Variants in DRC1 observed in about 807,000 individuals in gnomAD.
DRC1 encodes the protein dynein regulatory complex protein 1.
DRC1 carries 74 observed loss-of-function variants against 98.7 expected under a neutral mutation model. The ratio of observed to expected loss-of-function variants is 0.75; its 90% CI spans 0.62 to 0.91. DRC1 has a LOEUF of 0.91. DRC1 is among the 40% of genes least tolerant of loss of function. DRC1 has a pLI of 0.00. For synonymous variants in DRC1, 336 were observed against 334.1 expected (o/e 1.01, Z -0.06); for missense variants, 875 against 886.0 (o/e 0.99, Z 0.16).
intron 3 of DRC1, 91 bp downstream of exon 3, chr2:26,421,491 C>T (rs750845149): frequency 1.0e-5 from 10 of 962,832 alleles, no homozygotes; most frequent in Non-Finnish European, 1.5e-5. Flanking sequence ...GTGACTTTGT[C>T]CACCTTAGAC....
chr2:26,455,205 C>T lies in DRC1; in HGVS notation c.2138C>T (p.Ala713Val), dbSNP rs147500371. 4.0e-5 allele frequency: 64 copies of T among 1,613,750 alleles called. No homozygotes were observed. The highest frequency in any genetic ancestry group is 1.7e-4 in the Middle Eastern group (1 of 5,978). Residue 713 changes from alanine to valine, a missense_variant, in exon 16 of 17, where the codon GCG becomes GTG. Transcript: ENST00000288710. ...GAGCAGCAGAACACAGAGCTGCAGG[C>T]GCTACTGCAGCAGTATCTGAACTCC... is the stretch of plus-strand genomic sequence containing the variant. ...SLEQQNTELQ[A>V]LLQQYLNSKI...
chr2:26,428,715 G>C (rs943821946), intron 4 of DRC1, among the ~76,000 whole-genome samples: 2 of 151,894 alleles, frequency 1.3e-5, no homozygotes, highest in Admixed American at 6.6e-5. Context: ...GGAAAATGGC[G>C]TGAACCCGGG....
At chr2:26,402,502 G>A (rs1438769844) in intron 1 of DRC1, among the ~76,000 whole-genome samples, 1 of 152,166 alleles carries the variant, frequency 6.6e-6, no homozygotes, top group East Asian at 1.9e-4. Context: ...TGTGGCCCAA[G>A]TAGCCTGGCT....
At chr2:26,412,042 A>G (rs1343398546) in intron 1 of DRC1, among the ~76,000 whole-genome samples, 2 of 152,198 alleles carry the variant, frequency 1.3e-5, no homozygotes, top group East Asian at 1.9e-4. Context: ...TTACTTGGTA[A>G]GAAAACAAAG....
intron 4 of DRC1, among the ~76,000 whole-genome samples, chr2:26,426,783 T>C (rs932814974): frequency 6.6e-6 from 1 of 152,092 alleles, no homozygotes. Context: ...TAGGATGGTT[T>C]TCCTATTTCC....
At chr2:26,409,525 T>C (rs1388428517) in intron 1 of DRC1, among the ~76,000 whole-genome samples, 1 of 152,160 alleles carries the variant, frequency 6.6e-6, no homozygotes, top group Admixed American at 6.6e-5. Context: ...ATTGGTAGTA[T>C]TAGTATCCTT....
rs1417421963 is a variant in DRC1 at position 26,454,498 on chromosome 2, CCTTT to C, written c.1920-146_1920-143del. The stretch of plus-strand genomic sequence containing the variant: ...AGGAACGTTGACAATAAGCATGCGT[CCTTT>C]CTGAGAACCTGCCACCGTCTAATAA... On this transcript the variant is annotated intron_variant, in intron 14 of 16. Coordinates refer to ENST00000288710, the MANE Select transcript of DRC1 (RefSeq NM_145038.5). The surrounding 1 kb of genome is among the most constrained non-coding windows in gnomAD (Gnocchi z 5.2). The C allele has an allele frequency of 1.7e-6, 2 of 1,160,176 alleles. No homozygotes were observed. Among genetic ancestry groups the C allele is most frequent in the Admixed American group, 4.6e-5 (2 of 43,224 alleles). 71.9% of individuals were successfully genotyped at this position (1,160,176 alleles called of 1,614,324 possible).
chr2:26,440,737 C>G (rs1306958656), intron 8 of DRC1, among the ~76,000 whole-genome samples: 2 of 152,144 alleles, frequency 1.3e-5, no homozygotes, highest in African/African-American at 4.8e-5. Context: ...TCTTTCCTAC[C>G]TCTGTAACCA....
rs1325393261 is a variant in DRC1 at position 26,448,791 on chromosome 2, G to A, written c.1497G>A (p.Leu499=). ...EKTTKRILML[L]CDESGFLIES... ...CTACCAAGAGGATCCTGATGCTCCT[G>A]TGTGACGAGTCGGTGAGGCCAGGCG... Residue 499 remains leucine (L), a synonymous_variant, in exon 11 of 17, where the codon CTG becomes CTA. Transcript: ENST00000288710. 1 of 1,614,200 alleles carries A rather than the reference G, an allele frequency of 6.2e-7. No individual in the cohort carries two copies. The highest frequency in any genetic ancestry group is 8.5e-7 in the Non-Finnish European group (1 of 1,180,040).
At chr2:26,422,090 C>T (rs941263031) in intron 3 of DRC1, among the ~76,000 whole-genome samples, 4 of 152,178 alleles carry the variant, frequency 2.6e-5, no homozygotes, top group South Asian at 2.1e-4. Context: ...CAGAAAACTT[C>T]CCAGGCAAGG....
chr2:26,424,386 A>G lies in DRC1; in HGVS notation c.472A>G (p.Asn158Asp). The G allele has an allele frequency of 6.2e-7, 1 of 1,614,024 alleles. No individual in the cohort carries two copies. Among genetic ancestry groups the G allele is most frequent in the Non-Finnish European group, 8.5e-7 (1 of 1,180,016 alleles). Residue 158 changes from asparagine to aspartate, a missense_variant, in exon 4 of 17, where the codon AAT becomes GAT. By Grantham distance (23) the Asn-to-Asp change is conservative. Transcript: ENST00000288710. ...RIPQELWEML[N>D]TQQLHCAGLL... Reference sequence around the variant, plus strand: ...TCCCCAAGAGCTGTGGGAAATGCTCAATACCCAACAGCTGCACTGTGCTGG... The same window carrying G: ...TCCCCAAGAGCTGTGGGAAATGCTCGATACCCAACAGCTGCACTGTGCTGG...
Position 26,444,215 on chromosome 2 carries a change from C to T in DRC1, c.1029-7C>T. 1.1e-5 allele frequency: 18 copies of T among 1,613,828 alleles called. No homozygotes were observed. Among genetic ancestry groups the T allele is most frequent in the Non-Finnish European group, 1.4e-5 (17 of 1,179,960 alleles). ...GCTGCAGACTAACCTTTTTCTCCTT[C>T]AACCAGCCTGCATGATATACTTAAC... On this transcript the variant is annotated splice_polypyrimidine_tract_variant and splice_region_variant and intron_variant, in intron 8 of 16. Coordinates refer to ENST00000288710, the MANE Select transcript of DRC1 (RefSeq NM_145038.5).
intron 4 of DRC1, among the ~76,000 whole-genome samples, chr2:26,426,234 C>T (rs1260494655): frequency 6.6e-6 from 1 of 152,260 alleles, no homozygotes; most frequent in East Asian, 1.9e-4. Flanking sequence ...ATCATTTTGA[C>T]CCTTGTCAAA....
chr2:26,407,031 A>G (rs1468309359), intron 1 of DRC1, among the ~76,000 whole-genome samples: 1 of 151,526 alleles, frequency 6.6e-6, no homozygotes, highest in African/African-American at 2.4e-5. Context: ...TGTTGCCCAG[A>G]CTGGTCTTGA....
intron 13 of DRC1, among the ~76,000 whole-genome samples, chr2:26,451,817 A>T (rs1266868826): frequency 6.6e-6 from 1 of 152,252 alleles, no homozygotes; most frequent in Non-Finnish European, 1.5e-5. Context: ...TGCAAAAATC[A>T]TGATAAGCAA....
At chr2:26,418,869 C>CATT in intron 2 of DRC1, among the ~76,000 whole-genome samples, 1 of 136,996 alleles carries the variant, frequency 7.3e-6, no homozygotes, top group Admixed American at 8.1e-5. Flanking sequence ...ATATATACAA[C>CATT]ATTATATATT....
intron 7 of DRC1, among the ~76,000 whole-genome samples, chr2:26,437,231 G>A (rs1663596793): frequency 6.6e-6 from 1 of 152,168 alleles, no homozygotes; most frequent in Non-Finnish European, 1.5e-5. Flanking sequence ...CCCTAGAAGG[G>A]GACAGGGCCC....
In DRC1 at chr2:26,430,958, CT is replaced by C. The variant is rs5830013; in HGVS notation, c.765+106del. ...AATTTGCTAGCTAGCCTTTTTCTAT[CT>C]TTTTTTTTTTTTTTTTTTTGAGATG... On this transcript the variant is annotated intron_variant, in intron 6 of 16. Coordinates refer to ENST00000288710, the MANE Select transcript of DRC1 (RefSeq NM_145038.5). The C allele has an allele frequency of 0.053, 18,215 of 341,702 alleles. 5 individuals are homozygous for C. The highest frequency in any genetic ancestry group is 0.13 in the East Asian group (1,995 of 15,272). 21.2% of individuals were successfully genotyped at this position (341,702 alleles called of 1,614,324 possible). A position where few individuals can be genotyped will look rare whatever the true frequency, so the allele number is the denominator to read the frequency against.
intron 7 of DRC1, among the ~76,000 whole-genome samples, chr2:26,439,268 G>A (rs565439636): frequency 6.6e-6 from 1 of 151,980 alleles, no homozygotes; most frequent in Non-Finnish European, 1.5e-5. Context: ...AGCTAGACAC[G>A]CCGTCTTCCA....
Sources: allele counts gnomAD v4.1 joint callset (sites outside exome capture counted in the v4.1 genomes callset), GRCh38; gene constraint gnomAD v4.1.1; non-coding constraint Gnocchi (gnomAD v3.1); transcripts MANE v1.5; gene names NCBI Gene and HGNC (gene_info 2026-07-23, HGNC 2026-07-21).